ANKS1B: variants seen among roughly 807,000 people sequenced by gnomAD.
ANKS1B encodes ankyrin repeat and sterile alpha motif domain containing 1B, also known as ankyrin repeat and sterile alpha motif domain-containing protein 1B.
A neutral mutation model predicts 148.3 loss-of-function variants in ANKS1B; 36 were observed. That is an observed-to-expected ratio of 0.24 (90% CI 0.19 to 0.32). The LOEUF (loss-of-function observed/expected upper bound fraction) is 0.32, where lower values mean the gene tolerates loss of function less well. Ranked by LOEUF, ANKS1B falls within the 10% of genes least tolerant of loss-of-function variation. The pLI is 1.00. For missense variants in ANKS1B, 1,157 were observed against 1,542.6 expected (o/e 0.75, Z 4.19); for synonymous variants, 542 against 560.8 (o/e 0.97, Z 0.47).
At chr12:98,845,973 T>TACACAC (rs1198079951) in intron 17 of ANKS1B, among the ~76,000 whole-genome samples, 1 of 69,510 alleles carries the variant, frequency 1.4e-5, no homozygotes, top group African/African-American at 3.0e-5. Flanking sequence ...TTCATATATA[T>TACACAC]ATATATACAC....
At chr12:99,297,753 C>G (rs2081079603) in intron 12 of ANKS1B, among the ~76,000 whole-genome samples, 1 of 152,082 alleles carries the variant, frequency 6.6e-6, no homozygotes, top group African/African-American at 2.4e-5. Context: ...ACAGGCAACT[C>G]CAGATCTAGT....
At chr12:99,173,807 G>A (rs910064515) in intron 14 of ANKS1B, among the ~76,000 whole-genome samples, 11 of 151,914 alleles carry the variant, frequency 7.2e-5, no homozygotes, top group Non-Finnish European at 2.9e-5. Flanking sequence ...TTTCCTTGGG[G>A]GATTTACCCT....
intron 11 of ANKS1B, among the ~76,000 whole-genome samples, chr12:99,430,071 G>GA (rs11406095): frequency 0.21 from 30,710 of 149,692 alleles, 3,301 homozygotes; most frequent in Middle Eastern, 0.29. Context: ...AAGATCTTTA[G>GA]AAAAAAAAGA....
chr12:98,962,813 C>A (rs998664110), intron 17 of ANKS1B, among the ~76,000 whole-genome samples: 2 of 152,044 alleles, frequency 1.3e-5, no homozygotes, highest in Non-Finnish European at 2.9e-5. Flanking sequence ...TATAAAAACA[C>A]ACGGAAATTA....
intron 9 of ANKS1B, among the ~76,000 whole-genome samples, chr12:99,509,582 G>T (rs1423777400): frequency 6.6e-6 from 1 of 151,966 alleles, no homozygotes; most frequent in Non-Finnish European, 1.5e-5. Flanking sequence ...TGCCAGAGGT[G>T]AAGAAGCTGC....
chr12:99,038,376 T>C (rs554427127), intron 17 of ANKS1B, among the ~76,000 whole-genome samples: 1 of 152,250 alleles, frequency 6.6e-6, no homozygotes, highest in African/African-American at 2.4e-5. Context: ...ATCATCTCTA[T>C]TTTCCTTGTA....
chr12:99,414,594 C>T (rs2094832162), intron 11 of ANKS1B, among the ~76,000 whole-genome samples: 1 of 152,246 alleles, frequency 6.6e-6, no homozygotes, highest in Non-Finnish European at 1.5e-5. Flanking sequence ...GAAAACCAAA[C>T]ACCACATGTT....
At chr12:99,537,290 G>A (rs184914080) in intron 9 of ANKS1B, among the ~76,000 whole-genome samples, 11 of 152,204 alleles carry the variant, frequency 7.2e-5, no homozygotes, top group Non-Finnish European at 4.4e-5. Flanking sequence ...CAGTGGGATC[G>A]CTGGACCATA....
At chr12:98,900,701 G>A (rs972810991) in intron 17 of ANKS1B, among the ~76,000 whole-genome samples, 5 of 152,182 alleles carry the variant, frequency 3.3e-5, no homozygotes, top group Admixed American at 1.3e-4. Flanking sequence ...ACTAAAGACA[G>A]CTGTCCCATG....
At chr12:99,083,526 T>C (rs186503158) in intron 16 of ANKS1B, among the ~76,000 whole-genome samples, 23 of 152,298 alleles carry the variant, frequency 1.5e-4, no homozygotes, top group Admixed American at 5.2e-4. Context: ...CAACCTACTT[T>C]TTCTGCTTTA....
rs533023088 is a variant in ANKS1B, at chr12:98,826,509, G to C, written c.3066+2665C>G. Among the ~76,000 whole-genome samples the C allele has an allele frequency of 2.0e-5, 3 of 152,186 alleles. No individual in the cohort carries two copies. In the South Asian group the frequency reaches 6.2e-4, roughly 32 times the overall value. On this transcript the variant is annotated intron_variant, in intron 19 of 26. Coordinates refer to ENST00000683438, the MANE Select transcript of ANKS1B (RefSeq NM_001352186.2). ...CCTAATGAATTATTGCGGCCACCAA[G>C]AACTTAAGGTTTCTGGCCCAGGGCT...
intron 9 of ANKS1B, among the ~76,000 whole-genome samples, chr12:99,552,342 T>A (rs1468664450): frequency 4.6e-5 from 7 of 152,350 alleles, no homozygotes; most frequent in South Asian, 4.1e-4. Context: ...TCAATAAATA[T>A]TTGTTGGCTT....
At chr12:98,866,762 T>C (rs1390377538) in intron 17 of ANKS1B, among the ~76,000 whole-genome samples, 1 of 152,220 alleles carries the variant, frequency 6.6e-6, no homozygotes, top group Non-Finnish European at 1.5e-5. Context: ...CATTGCTTCC[T>C]GCAGAAAGTT....
intron 1 of ANKS1B, among the ~76,000 whole-genome samples, chr12:99,903,734 G>A (rs375778533): frequency 4.0e-5 from 6 of 151,060 alleles, no homozygotes; most frequent in Admixed American, 2.0e-4. Context: ...TGGGGACTCC[G>A]GAGGAAAAAT....
At chr12:98,757,104 C>T (rs1462091520) in intron 25 of ANKS1B, among the ~76,000 whole-genome samples, 1 of 152,082 alleles carries the variant, frequency 6.6e-6, no homozygotes, top group African/African-American at 2.4e-5. Flanking sequence ...ATGAGAATGC[C>T]TGAGCTAGCC....
chr12:99,360,385 C>A (rs1049303264), intron 12 of ANKS1B, among the ~76,000 whole-genome samples: 5 of 152,090 alleles, frequency 3.3e-5, no homozygotes, highest in African/African-American at 1.2e-4. Context: ...AGTGTGAGTG[C>A]AGGGGTTTCT....
At position 99,528,218 on chromosome 12, in the gene ANKS1B, T is replaced by A. The variant is rs372514795; in HGVS notation, c.1273-23577A>T. 2.6e-5 allele frequency among the ~76,000 whole-genome samples: 4 copies of A among 151,508 alleles called. No individual in the cohort carries two copies. The East Asian group carries it at 7.8e-4, about 29-fold the overall frequency. ...CCTTCCTTACACCATATACAAAAAA[T>A]CAACTCAAGAAGGATTAAAGACTTA... On this transcript the variant is annotated intron_variant, in intron 9 of 26. Transcript: ENST00000683438.
At chr12:99,882,799 TAAG>T (rs2092605394) in intron 1 of ANKS1B, among the ~76,000 whole-genome samples, 2 of 152,120 alleles carry the variant, frequency 1.3e-5, no homozygotes, top group African/African-American at 4.8e-5. Context: ...ACTGAAATCA[TAAG>T]AAGAAAAATA....
chr12:99,351,547 C>A lies in ANKS1B; in HGVS notation c.1756+48084G>T, dbSNP rs115197632. Among the ~76,000 whole-genome samples the A allele has an allele frequency of 4.6e-5, 7 of 151,924 alleles. No individual in the cohort carries two copies. In the South Asian group the frequency reaches 1.5e-3, roughly 32 times the overall value. On this transcript the variant is annotated intron_variant, in intron 12 of 26. Coordinates refer to ENST00000683438, the MANE Select transcript of ANKS1B (RefSeq NM_001352186.2). ...TTTGAATTACAAAGAACTTCTAAGTCATGTAAGCATAGATAAATTAGTGTC... is the reference window on the plus strand; with the variant it reads ...TTTGAATTACAAAGAACTTCTAAGTAATGTAAGCATAGATAAATTAGTGTC...
Sources: allele counts gnomAD v4.1 joint callset (sites outside exome capture counted in the v4.1 genomes callset), GRCh38; gene constraint gnomAD v4.1.1; transcripts MANE v1.5; gene names NCBI Gene and HGNC (gene_info 2026-07-23, HGNC 2026-07-21).